BTBD16: variants seen among roughly 807,000 people sequenced by gnomAD.
The protein encoded by BTBD16 is BTB domain containing 16.
A neutral mutation model predicts 67.4 loss-of-function variants in BTBD16; 66 were observed. The ratio of observed to expected loss-of-function variants is 0.98; its 90% confidence interval spans 0.80 to 1.20. The LOEUF (loss-of-function observed/expected upper bound fraction) is 1.20. BTBD16 is among the 50% of genes most tolerant of loss of function. The probability of loss-of-function intolerance (pLI) is 0.00; values close to 1 mark genes in which losing one functional copy is unlikely to be tolerated. For synonymous variants in BTBD16, 242 were observed against 236.4 expected (o/e 1.02, Z -0.22); for missense variants, 634 against 616.0 (o/e 1.03, Z -0.31).
intron 10 of BTBD16, among the ~76,000 whole-genome samples, chr10:122,317,748 G>A (rs1378714099): frequency 6.6e-6 from 1 of 152,132 alleles, no homozygotes; most frequent in Non-Finnish European, 1.5e-5. Context: ...GACCATCAAT[G>A]TCACTATCTT....
At position 122,338,006 on chromosome 10, in the gene BTBD16, T is replaced by C; in HGVS notation, c.1453-11T>C. On this transcript the variant is annotated splice_polypyrimidine_tract_variant and intron_variant, in intron 15 of 15. Coordinates refer to ENST00000260723, the MANE Select transcript of BTBD16 (RefSeq NM_144587.5). ...AAAGTCACATTCACTTTGTTTTTTT[T>C]CATGTTTTAGACCTTGAAAATCCAA... 2 of 1,606,628 alleles carry C rather than the reference T, an allele frequency of 1.2e-6. No individual in the cohort carries two copies. Among genetic ancestry groups the C allele is most frequent in the Non-Finnish European group, 1.7e-6 (2 of 1,173,964 alleles).
chr10:122,273,770 T>G (rs57581057), intron 1 of BTBD16, among the ~76,000 whole-genome samples: 29,848 of 152,048 alleles, frequency 0.2, 3,642 homozygotes, highest in East Asian at 0.42. Context: ...AGTGATATTA[T>G]GCAGCTATGT....
intron 3 of BTBD16, among the ~76,000 whole-genome samples, chr10:122,280,044 G>A (rs1483459060): frequency 1.3e-5 from 2 of 152,132 alleles, no homozygotes; most frequent in Non-Finnish European, 2.9e-5. Flanking sequence ...TGATCTTCAG[G>A]CTGCTGATCG....
chr10:122,284,957 G>T (rs974536381), intron 4 of BTBD16, among the ~76,000 whole-genome samples: 1 of 152,126 alleles, frequency 6.6e-6, no homozygotes, highest in Non-Finnish European at 1.5e-5. Context: ...ACCCTGATGG[G>T]CTGAGACTTT....
intron 3 of BTBD16, 22 bp from the exon 4 acceptor site, chr10:122,283,829 T>G: frequency 4.4e-6 from 7 of 1,604,398 alleles, no homozygotes; most frequent in Non-Finnish European, 6.0e-6. Context: ...TCCTGGATTT[T>G]ATATTTGCAT....
At chr10:122,316,476 A>T (rs1258227894) in intron 10 of BTBD16, among the ~76,000 whole-genome samples, 1 of 152,182 alleles carries the variant, frequency 6.6e-6, no homozygotes, top group Non-Finnish European at 1.5e-5. Flanking sequence ...TCGTGCAAAC[A>T]TCATAGGGGG....
At chr10:122,336,786 A>C in intron 15 of BTBD16, 104 bp downstream of exon 15, 1 of 1,052,220 alleles carries the variant, frequency 9.5e-7, no homozygotes, top group Non-Finnish European at 1.3e-6. Flanking sequence ...TACACTGAAG[A>C]TCCCTGGAAA....
intron 13 of BTBD16, chr10:122,333,016 CA>C: frequency 1.0e-6 from 1 of 973,700 alleles, no homozygotes; most frequent in Non-Finnish European, 1.2e-6. Context: ...ACTTAGTGAC[CA>C]GGGGAACCTT....
At chr10:122,296,261 T>C (rs577465436) in intron 7 of BTBD16, among the ~76,000 whole-genome samples, 1 of 152,180 alleles carries the variant, frequency 6.6e-6, no homozygotes, top group African/African-American at 2.4e-5. Flanking sequence ...CAATAATAAA[T>C]CTTATAATGT....
intron 10 of BTBD16, among the ~76,000 whole-genome samples, chr10:122,313,500 T>G (rs2096418018): frequency 6.6e-6 from 1 of 151,836 alleles, no homozygotes; most frequent in African/African-American, 2.4e-5. Context: ...CCTGACCTTG[T>G]GATCCGCCCG....
chr10:122,291,368 AG>A, intron 7 of BTBD16, 174 bp downstream of exon 7: 1 of 738,258 alleles, frequency 1.4e-6, no homozygotes, highest in South Asian at 2.5e-5. Context: ...TCACACTAAC[AG>A]GTGAGCCATC....
At chr10:122,325,589 G>T (rs985429416) in intron 10 of BTBD16, among the ~76,000 whole-genome samples, 2 of 152,110 alleles carry the variant, frequency 1.3e-5, no homozygotes, top group African/African-American at 4.8e-5. Flanking sequence ...ATGATGTGGG[G>T]GTGGCAGCAG....
At position 122,331,256 on chromosome 10, in the gene BTBD16, G is replaced by A. The variant is rs777558447; in HGVS notation, c.1084G>A (p.Ala362Thr). The change falls in exon 12 of 16, where the codon GCA becomes ACA. Residue 362 changes from alanine to threonine, a missense_variant and splice_region_variant. Ala to Thr is a moderately conservative substitution (Grantham distance 58). Transcript: ENST00000260723. ...LDQVTVNHYH[A>T]LENGGDMVHL... ...CCAGGTTACAGTCAACCATTACCAC[G>A]CAGTGAGTTGCCTGCTCTGCAAGGA... The A allele has an allele frequency of 1.9e-5, 30 of 1,612,854 alleles. No individual in the cohort carries two copies. Among genetic ancestry groups the A allele is most frequent in the Admixed American group, 5.0e-5 (3 of 59,800 alleles).
chr10:122,317,513 G>A (rs965462275), intron 10 of BTBD16, among the ~76,000 whole-genome samples: 9 of 152,036 alleles, frequency 5.9e-5, no homozygotes, highest in Admixed American at 4.6e-4. Flanking sequence ...CGGGCATGGT[G>A]GCGGGCAGCT....
At chr10:122,330,315 C>G (rs1215814980) in intron 11 of BTBD16, among the ~76,000 whole-genome samples, 1 of 151,954 alleles carries the variant, frequency 6.6e-6, no homozygotes, top group African/African-American at 2.4e-5. Flanking sequence ...GAAGAGAGAT[C>G]TAGAGAAAAG....
chr10:122,326,606 G>A lies in BTBD16; in HGVS notation c.912-2874G>A, dbSNP rs148856410. ...GTAGAGGAAGTGAGAAAGTTGTGGC[G>A]AAGAGCACCTCTAAAATACAATATG... On this transcript the variant is annotated intron_variant, in intron 10 of 15. Transcript: ENST00000260723. Among the ~76,000 whole-genome samples the A allele has an allele frequency of 4.1e-4, 62 of 152,282 alleles. No homozygotes were observed. The East Asian group carries it at 0.01, about 26-fold the overall frequency.
rs141921051 is a variant in BTBD16, at chr10:122,318,608, C to T, written c.912-10872C>T. On this transcript the variant is annotated intron_variant, in intron 10 of 15. Coordinates refer to ENST00000260723, the MANE Select transcript of BTBD16 (RefSeq NM_144587.5). ...TATTTTTTTTGTTTTGTTTTTGAGA[C>T]AGCGTCTCACTCTGTTGCCCAGGCT... Among the ~76,000 whole-genome samples, 36 of 152,226 alleles carry T rather than the reference C, an allele frequency of 2.4e-4. No homozygotes were observed. The East Asian group carries it at 6.4e-3, about 27-fold the overall frequency.
intron 11 of BTBD16, among the ~76,000 whole-genome samples, chr10:122,329,965 C>T (rs1391563110): frequency 6.6e-6 from 1 of 152,150 alleles, no homozygotes; most frequent in Admixed American, 6.5e-5. Flanking sequence ...ATGCTCTGGG[C>T]ACAGGGGATG....
chr10:122,331,066 C>A, intron 11 of BTBD16, 110 bp from the exon 12 acceptor site: 1 of 1,447,784 alleles, frequency 6.9e-7, no homozygotes, highest in South Asian at 1.5e-5. Flanking sequence ...CCATCCACCC[C>A]TTTCCCTTCC....
Sources: gnomAD v4.1 joint callset for allele counts (sites outside exome capture counted in the v4.1 genomes callset) on GRCh38, gnomAD v4.1.1 for gene constraint, MANE v1.5 for transcripts, NCBI Gene and HGNC (gene_info 2026-07-23, HGNC 2026-07-21) for gene names.